SPOCK1: variants seen among roughly 807,000 people sequenced by gnomAD.
SPOCK1 encodes the protein testican-1.
Under a neutral mutation model 55.3 loss-of-function variants are expected in SPOCK1, and 23 were observed. The ratio of observed to expected loss-of-function variants is 0.42; its 90% CI spans 0.30 to 0.59. The LOEUF (loss-of-function observed/expected upper bound fraction) is 0.59, where lower values mean the gene tolerates loss of function less well. SPOCK1 is among the 20% of genes least tolerant of loss of function. The pLI, the probability that SPOCK1 is intolerant of heterozygous loss-of-function variation, is 0.22. For synonymous variants in SPOCK1, 226 were observed against 221.0 expected (o/e 1.02, Z -0.20); for missense variants, 499 against 552.5 (o/e 0.90, Z 0.97).
At chr5:137,455,331 A>G (rs1438567004) in intron 2 of SPOCK1, among the ~76,000 whole-genome samples, 1 of 152,200 alleles carries the variant, frequency 6.6e-6, no homozygotes, top group African/African-American at 2.4e-5. Flanking sequence ...TAACTCATCA[A>G]GAAGGAAAGA....
At chr5:137,167,400 C>A (rs1005417623) in intron 3 of SPOCK1, among the ~76,000 whole-genome samples, 2 of 150,766 alleles carry the variant, frequency 1.3e-5, no homozygotes, top group Non-Finnish European at 3.0e-5. Flanking sequence ...CAGCACTGGA[C>A]AGATCTTCCA....
chr5:137,009,590 A>G (rs1378836628), intron 6 of SPOCK1, among the ~76,000 whole-genome samples: 1 of 152,236 alleles, frequency 6.6e-6, no homozygotes, highest in Non-Finnish European at 1.5e-5. Context: ...CTGAGGTGGG[A>G]GAAAGCTTGA....
intron 2 of SPOCK1, among the ~76,000 whole-genome samples, chr5:137,375,970 C>T (rs1751305305): frequency 6.6e-6 from 1 of 152,182 alleles, no homozygotes. Context: ...CGCCTAGGAG[C>T]ATCAGGCCTT....
At chr5:137,282,968 A>G (rs967353276) in intron 2 of SPOCK1, among the ~76,000 whole-genome samples, 2 of 152,198 alleles carry the variant, frequency 1.3e-5, no homozygotes, top group Admixed American at 6.5e-5. Context: ...CTCTGGATAG[A>G]TACAGAACTT....
intron 3 of SPOCK1, among the ~76,000 whole-genome samples, chr5:137,228,065 T>C (rs1326039716): frequency 6.6e-6 from 1 of 152,250 alleles, no homozygotes; most frequent in Non-Finnish European, 1.5e-5. Context: ...TCTTCATTTA[T>C]CTGCAAACAG....
chr5:137,354,195 C>T lies in SPOCK1; in HGVS notation c.187-87140G>A, dbSNP rs138433818. Among the ~76,000 whole-genome samples the T allele has an allele frequency of 5.2e-3, 797 of 152,308 alleles. 7 individuals carry two copies. Among genetic ancestry groups the T allele is most frequent in the African/African-American group, 0.017 (725 of 41,556 alleles). The stretch of plus-strand genomic sequence containing the variant: ...AACCCAGTGGTGGTTCCCCAGCCCT[C>T]GCCACACTAAGCACCAATCGCTGCT... On this transcript the variant is annotated intron_variant, in intron 2 of 10. Coordinates refer to ENST00000394945, the MANE Select transcript of SPOCK1 (RefSeq NM_004598.4).
chr5:137,207,914 CATTT>C (rs747577268), intron 3 of SPOCK1, among the ~76,000 whole-genome samples: 5 of 152,160 alleles, frequency 3.3e-5, no homozygotes, highest in African/African-American at 7.2e-5. Context: ...ACAGCTCATT[CATTT>C]ATCAACTTAA....
intron 3 of SPOCK1, among the ~76,000 whole-genome samples, chr5:137,243,603 A>C (rs1756333252): frequency 6.6e-6 from 1 of 152,196 alleles, no homozygotes; most frequent in Non-Finnish European, 1.5e-5. Flanking sequence ...TAAATTAATC[A>C]ACGTAAGAAA....
chr5:137,307,199 AG>A (rs1164257978), intron 2 of SPOCK1, among the ~76,000 whole-genome samples: 12 of 152,250 alleles, frequency 7.9e-5, no homozygotes, highest in African/African-American at 2.9e-4. Flanking sequence ...TATGTACAAA[AG>A]CAAGACATGA....
intron 7 of SPOCK1, among the ~76,000 whole-genome samples, chr5:136,989,827 A>T (rs893160177): frequency 2.6e-5 from 4 of 152,188 alleles, no homozygotes; most frequent in African/African-American, 9.7e-5. Flanking sequence ...CCCATCATTA[A>T]GCATTAATGA....
chr5:137,455,253 C>A (rs943212647), intron 2 of SPOCK1, among the ~76,000 whole-genome samples: 3 of 152,174 alleles, frequency 2.0e-5, no homozygotes, highest in Non-Finnish European at 4.4e-5. Context: ...CAAATACCAC[C>A]TTATCTTAAG....
At chr5:137,424,547 C>T (rs1170138647) in intron 2 of SPOCK1, among the ~76,000 whole-genome samples, 1 of 152,154 alleles carries the variant, frequency 6.6e-6, no homozygotes, top group Non-Finnish European at 1.5e-5. Flanking sequence ...CAAACAAAAG[C>T]TCTGTACATG....
In SPOCK1 at chr5:137,334,913, G is replaced by A. The variant is rs543726058; in HGVS notation, c.187-67858C>T. ...TGGTGTTGCACCCAAGGGCGTACCCGTCACTAAGGGGGATACCACTAGTGA... is the reference window on the plus strand; with the variant it reads ...TGGTGTTGCACCCAAGGGCGTACCCATCACTAAGGGGGATACCACTAGTGA... On this transcript the variant is annotated intron_variant, in intron 2 of 10. Transcript: ENST00000394945. Among the ~76,000 whole-genome samples, 11 of 152,264 alleles carry A rather than the reference G, an allele frequency of 7.2e-5. No individual in the cohort carries two copies. In the East Asian group the frequency reaches 1.2e-3, roughly 16 times the overall value.
At chr5:137,171,149 G>A (rs552813308) in intron 3 of SPOCK1, among the ~76,000 whole-genome samples, 14 of 152,084 alleles carry the variant, frequency 9.2e-5, no homozygotes, top group African/African-American at 7.2e-5. Context: ...CAATGCACCC[G>A]AGACTACATG....
intron 3 of SPOCK1, among the ~76,000 whole-genome samples, chr5:137,227,759 G>A (rs1431794262): frequency 6.6e-6 from 1 of 152,166 alleles, no homozygotes; most frequent in African/African-American, 2.4e-5. Context: ...AGGAGCAAAG[G>A]GAACAGCCAA....
intron 2 of SPOCK1, among the ~76,000 whole-genome samples, chr5:137,448,289 C>T (rs1029339195): frequency 1.4e-4 from 22 of 152,274 alleles, no homozygotes; most frequent in African/African-American, 4.8e-4. Flanking sequence ...CATACCCACT[C>T]GCTGTTATCT....
intron 5 of SPOCK1, among the ~76,000 whole-genome samples, chr5:137,110,432 C>T (rs952434192): frequency 1.8e-4 from 28 of 152,320 alleles, no homozygotes; most frequent in African/African-American, 6.3e-4. Flanking sequence ...ATTGTTTACA[C>T]ACCTAGGATC....
chr5:137,173,443 T>C (rs537876946), intron 3 of SPOCK1, among the ~76,000 whole-genome samples: 2 of 152,290 alleles, frequency 1.3e-5, no homozygotes, highest in African/African-American at 2.4e-5. Flanking sequence ...GATCAAGCAA[T>C]AAAGAATTGT....
At chr5:137,434,551 G>C (rs1378323739) in intron 2 of SPOCK1, among the ~76,000 whole-genome samples, 1 of 129,032 alleles carries the variant, frequency 7.8e-6, no homozygotes, top group Non-Finnish European at 1.5e-5. Flanking sequence ...GCAGTGCATG[G>C]TGCGATGGTG....
Sources: allele counts gnomAD v4.1 joint callset (sites outside exome capture counted in the v4.1 genomes callset), GRCh38; gene constraint gnomAD v4.1.1; transcripts MANE v1.5; gene names NCBI Gene and HGNC (gene_info 2026-07-23, HGNC 2026-07-21).